Variants in TLN2 observed in about 807,000 individuals in gnomAD.
The protein encoded by TLN2 is talin 2, also known as talin-2.
A neutral mutation model predicts 294.7 loss-of-function variants in TLN2; 118 were observed. That is an observed-to-expected ratio of 0.40 (90% confidence interval 0.34 to 0.47). The LOEUF is 0.47. Among genes scored for constraint, TLN2 ranks in the 20% least tolerant of loss-of-function variants. The pLI, the probability that TLN2 is intolerant of heterozygous loss-of-function variation, is 0.84. For synonymous variants in TLN2, 1,431 were observed against 1,304.5 expected (o/e 1.10, Z -2.09); for missense variants, 3,083 against 3,282.2 (o/e 0.94, Z 1.48).
intron 1 of TLN2, among the ~76,000 whole-genome samples, chr15:62,391,742 G>A (rs961787019): frequency 1.3e-5 from 2 of 152,234 alleles, no homozygotes; most frequent in African/African-American, 4.8e-5. Context: ...AGCCGGCGGG[G>A]CTTGGGAACG....
In TLN2 at chr15:62,844,529, G is replaced by A. The variant is rs376830936; in HGVS notation, c.*3919G>A. ...TCAAGATCCAGAAGAAAACAGGAACGTTCAGCTCTGCCCTGTGTCGTATCT... is the reference window on the plus strand; with the variant it reads ...TCAAGATCCAGAAGAAAACAGGAACATTCAGCTCTGCCCTGTGTCGTATCT... On this transcript the variant is annotated 3_prime_UTR_variant, in exon 59 of 59. Coordinates refer to ENST00000636159, the MANE Select transcript of TLN2 (RefSeq NM_015059.3). 7.2e-5 allele frequency: 11 copies of A among 152,010 alleles called. No homozygotes were observed. The highest frequency in any genetic ancestry group is 2.7e-4 in the African/African-American group (11 of 41,368). The allele number at this position is 152,010 out of a possible 1,614,324, so 9.4% of individuals were successfully genotyped here. A position where few individuals can be genotyped will look rare whatever the true frequency, so the allele number is the denominator to read the frequency against.
chr15:62,770,736 T>C (rs758014420), intron 41 of TLN2, among the ~76,000 whole-genome samples: 2 of 146,340 alleles, frequency 1.4e-5, no homozygotes, highest in Admixed American at 6.8e-5. Context: ...AATGGGTTTC[T>C]TAGCACCTCT....
chr15:62,750,038 G>C (rs2061839335), intron 33 of TLN2, among the ~76,000 whole-genome samples: 1 of 152,186 alleles, frequency 6.6e-6, no homozygotes, highest in South Asian at 2.1e-4. Flanking sequence ...AAACTCCTTA[G>C]AATTATCCTG....
intron 12 of TLN2, among the ~76,000 whole-genome samples, chr15:62,687,557 G>T (rs559852565): frequency 1.3e-5 from 2 of 152,228 alleles, no homozygotes; most frequent in Non-Finnish European, 2.9e-5. Flanking sequence ...ATTTACATGT[G>T]AAACACAATA....
chr15:62,528,954 A>T (rs1012192965), intron 1 of TLN2, among the ~76,000 whole-genome samples: 1 of 152,148 alleles, frequency 6.6e-6, no homozygotes, highest in African/African-American at 2.4e-5. Flanking sequence ...AACATCCTTA[A>T]AACACACATT....
At chr15:62,761,943 T>C in intron 38 of TLN2, 122 bp downstream of exon 38, 1 of 1,307,300 alleles carries the variant, frequency 7.6e-7, no homozygotes, top group Non-Finnish European at 1.1e-6. Context: ...CTGTTACTCT[T>C]GTCAATGATG....
intron 1 of TLN2, among the ~76,000 whole-genome samples, chr15:62,552,267 T>C (rs1222155446): frequency 6.6e-6 from 1 of 152,234 alleles, no homozygotes; most frequent in Non-Finnish European, 1.5e-5. Flanking sequence ...TTAATCTGTC[T>C]TTTGAGAAAT....
intron 1 of TLN2, among the ~76,000 whole-genome samples, chr15:62,443,830 T>C (rs1475419159): frequency 6.6e-6 from 1 of 152,078 alleles, no homozygotes; most frequent in Non-Finnish European, 1.5e-5. Context: ...CGAAACCCTA[T>C]CTCTACAGAA....
intron 3 of TLN2, among the ~76,000 whole-genome samples, chr15:62,631,597 C>G (rs1256865674): frequency 1.5e-5 from 2 of 135,222 alleles, no homozygotes; most frequent in African/African-American, 5.4e-5. Flanking sequence ...TTCTTTCACT[C>G]TCTCTCTCTC....
At chr15:62,628,562 G>T (rs982965322) in intron 3 of TLN2, among the ~76,000 whole-genome samples, 5 of 152,200 alleles carry the variant, frequency 3.3e-5, no homozygotes, top group African/African-American at 7.2e-5. Flanking sequence ...TTCATAGAAA[G>T]ATCTATATTT....
Position 62,763,695 on chromosome 15 carries a change from G to T in TLN2, c.5094G>T (p.Glu1698Asp). 1 of 1,602,030 alleles carries T rather than the reference G, an allele frequency of 6.2e-7. No individual in the cohort carries two copies. Residue 1698 changes from glutamate to aspartate, a missense_variant and splice_region_variant, in exon 40 of 59, where the codon GAG (glutamate) becomes GAT (aspartate). Coordinates refer to ENST00000636159, the MANE Select transcript of TLN2 (RefSeq NM_015059.3). ...CCACGAGGGACGACATCTCTGTGGA[G>T]GTAAGCTGGGAATCTGGGGGCCTGC... ...SLATRDDISV[E>D]ALQEQLTSVV...
chr15:62,611,127 T>C (rs1184611255), intron 2 of TLN2, among the ~76,000 whole-genome samples: 3 of 152,216 alleles, frequency 2.0e-5, no homozygotes, highest in Non-Finnish European at 4.4e-5. Flanking sequence ...ATTTATGTTC[T>C]AGTGTGCTAA....
In TLN2 at chr15:62,750,659, G is replaced by A. The variant is rs372490899; in HGVS notation, c.4209+168G>A. 5.9e-5 allele frequency among the ~76,000 whole-genome samples: 9 copies of A among 152,258 alleles called. No homozygotes were observed. In the South Asian group the frequency reaches 1.0e-3, roughly 18 times the overall value. ...TGCTCAGGAGCTTCTCAAACTTGAC[G>A]GTGCATCAGAATCACCTGGAGGGCT... On this transcript the variant is annotated intron_variant, in intron 34 of 58. Coordinates refer to ENST00000636159, the MANE Select transcript of TLN2 (RefSeq NM_015059.3).
At chr15:62,613,401 A>G (rs1332687272) in intron 2 of TLN2, among the ~76,000 whole-genome samples, 5 of 152,218 alleles carry the variant, frequency 3.3e-5, no homozygotes, top group African/African-American at 1.2e-4. Context: ...TGTTGCATAG[A>G]CAGGGGATCC....
intron 45 of TLN2, among the ~76,000 whole-genome samples, chr15:62,787,101 G>A (rs897303533): frequency 1.1e-4 from 16 of 151,988 alleles, no homozygotes; most frequent in African/African-American, 3.6e-4. Context: ...TCACTATGTT[G>A]CCCAGGCTGG....
intron 33 of TLN2, 87 bp from the exon 34 acceptor site, chr15:62,750,315 G>C (rs936328631): frequency 9.4e-7 from 1 of 1,058,702 alleles, no homozygotes; most frequent in Non-Finnish European, 1.5e-6. Context: ...TGTGTATGGA[G>C]GGAGAGTTGA....
intron 11 of TLN2, among the ~76,000 whole-genome samples, chr15:62,685,468 A>T (rs1035757195): frequency 6.6e-6 from 1 of 152,122 alleles, no homozygotes; most frequent in Non-Finnish European, 1.5e-5. Context: ...CTTTACACAC[A>T]TTTATAACTT....
intron 1 of TLN2, among the ~76,000 whole-genome samples, chr15:62,440,868 G>C (rs748730025): frequency 1.3e-5 from 2 of 152,114 alleles, no homozygotes; most frequent in African/African-American, 4.8e-5. Flanking sequence ...CTGAAAGCAC[G>C]AATGACTGTG....
chr15:62,755,808 T>C, intron 37 of TLN2, 115 bp downstream of exon 37: 1 of 1,358,046 alleles, frequency 7.4e-7, no homozygotes, highest in African/African-American at 1.5e-5. Flanking sequence ...TAACTTCTAA[T>C]TCAGTCTTAT....
Sources: gnomAD v4.1 joint callset for allele counts (sites outside exome capture counted in the v4.1 genomes callset) on GRCh38, gnomAD v4.1.1 for gene constraint, MANE v1.5 for transcripts, NCBI Gene and HGNC (gene_info 2026-07-23, HGNC 2026-07-21) for gene names.